HPSE2: variants seen among roughly 807,000 people sequenced by gnomAD.
HPSE2 encodes the protein inactive heparanase-2.
Under a neutral mutation model 60.5 loss-of-function variants are expected in HPSE2, and 38 were observed. The ratio of observed to expected loss-of-function variants is 0.63; its 90% confidence interval spans 0.48 to 0.82. HPSE2 has a LOEUF of 0.82. Among genes scored for constraint, HPSE2 ranks in the 40% least tolerant of loss-of-function variants. HPSE2 has a pLI of 0.00. For missense variants in HPSE2, 713 were observed against 740.4 expected, an observed-to-expected ratio of 0.96 and a Z score of 0.43; for synonymous variants, 295 against 293.2, an observed-to-expected ratio of 1.01 and a Z score of -0.06.
chr10:99,039,879 C>A (rs1311588854), intron 3 of HPSE2, among the ~76,000 whole-genome samples: 2 of 152,086 alleles, frequency 1.3e-5, no homozygotes, highest in Non-Finnish European at 1.5e-5. Flanking sequence ...TCTGACCTGG[C>A]CAAACAAAAA....
intron 2 of HPSE2, among the ~76,000 whole-genome samples, chr10:99,155,322 AC>A (rs202082806): frequency 0.15 from 19,816 of 134,648 alleles, 1,365 homozygotes; most frequent in Admixed American, 0.21. Flanking sequence ...ACCACACCAC[AC>A]CTATTCCAAA....
At chr10:98,566,715 C>T (rs1419421818) in intron 9 of HPSE2, among the ~76,000 whole-genome samples, 1 of 152,076 alleles carries the variant, frequency 6.6e-6, no homozygotes, top group Non-Finnish European at 1.5e-5. Context: ...GGAAAACTTG[C>T]CCCTGAACAC....
chr10:98,520,934 C>T (rs895902006), intron 9 of HPSE2, among the ~76,000 whole-genome samples: 10 of 152,146 alleles, frequency 6.6e-5, no homozygotes, highest in African/African-American at 1.9e-4. Context: ...ACTGGCTAGC[C>T]ATAGGTAGAA....
intron 3 of HPSE2, among the ~76,000 whole-genome samples, chr10:98,799,712 T>C (rs1370351988): frequency 1.3e-5 from 2 of 149,160 alleles, no homozygotes; most frequent in Non-Finnish European, 3.0e-5. Flanking sequence ...ATTAAGAAAA[T>C]TGCAAAATTT....
At chr10:98,915,006 G>GA (rs898925321) in intron 3 of HPSE2, among the ~76,000 whole-genome samples, 118 of 145,194 alleles carry the variant, frequency 8.1e-4, no homozygotes, top group East Asian at 3.5e-3. Context: ...CATATGCACT[G>GA]AAAAAAAAAA....
intron 3 of HPSE2, among the ~76,000 whole-genome samples, chr10:99,039,362 G>A (rs1302095963): frequency 6.6e-6 from 1 of 151,942 alleles, no homozygotes. Context: ...TCTTGAATAC[G>A]ACACCAACCA....
intron 2 of HPSE2, among the ~76,000 whole-genome samples, chr10:99,220,672 G>A (rs1018289632): frequency 7.9e-5 from 12 of 151,874 alleles, no homozygotes; most frequent in Admixed American, 6.5e-4. Flanking sequence ...GCGTGGTGGC[G>A]CATGCCTGTA....
At chr10:98,844,696 T>C (rs527558630) in intron 3 of HPSE2, among the ~76,000 whole-genome samples, 12 of 152,328 alleles carry the variant, frequency 7.9e-5, no homozygotes, top group African/African-American at 2.9e-4. Context: ...ATTTTAATGA[T>C]AGCTCTCACA....
intron 2 of HPSE2, among the ~76,000 whole-genome samples, chr10:99,179,681 G>T (rs1355579931): frequency 1.3e-5 from 2 of 151,488 alleles, no homozygotes; most frequent in Non-Finnish European, 2.9e-5. Flanking sequence ...TGACCATACT[G>T]CCCAAAGTAA....
chr10:98,574,624 C>T (rs188055689), intron 9 of HPSE2, among the ~76,000 whole-genome samples: 1 of 152,158 alleles, frequency 6.6e-6, no homozygotes, highest in African/African-American at 2.4e-5. Context: ...TGCAGAAAAA[C>T]TCCCTGGATA....
At chr10:98,573,670 A>G (rs1434917477) in intron 9 of HPSE2, among the ~76,000 whole-genome samples, 1 of 152,198 alleles carries the variant, frequency 6.6e-6, no homozygotes, top group Non-Finnish European at 1.5e-5. Flanking sequence ...CAAAAAGGCC[A>G]TGGGTCACAC....
At chr10:98,899,729 C>T (rs917227700) in intron 3 of HPSE2, among the ~76,000 whole-genome samples, 1 of 149,188 alleles carries the variant, frequency 6.7e-6, no homozygotes, top group African/African-American at 2.5e-5. Context: ...TAAAATGGTA[C>T]CATCACTTGA....
At chr10:98,475,365 C>T (rs576673121) in intron 11 of HPSE2, among the ~76,000 whole-genome samples, 20 of 152,234 alleles carry the variant, frequency 1.3e-4, no homozygotes, top group East Asian at 9.7e-4. Flanking sequence ...TGTGACCCCC[C>T]GCCTCGGCCT....
chr10:99,195,906 CCT>C (rs1848381340), intron 2 of HPSE2, among the ~76,000 whole-genome samples: 1 of 151,842 alleles, frequency 6.6e-6, no homozygotes, highest in East Asian at 1.9e-4. Context: ...CCAAAACTAT[CCT>C]TAGCAAACCT....
chr10:98,635,314 C>T (rs972975844), intron 7 of HPSE2, among the ~76,000 whole-genome samples: 1 of 152,138 alleles, frequency 6.6e-6, no homozygotes, highest in South Asian at 2.1e-4. Flanking sequence ...TTATGGAAAA[C>T]AGTATGGAAG....
intron 3 of HPSE2, among the ~76,000 whole-genome samples, chr10:98,752,919 T>A (rs990055220): frequency 2.0e-5 from 3 of 152,146 alleles, no homozygotes; most frequent in Non-Finnish European, 4.4e-5. Flanking sequence ...GGACAGTACG[T>A]GAAGTGAAAT....
At chr10:99,162,675 T>A (rs539380064) in intron 2 of HPSE2, among the ~76,000 whole-genome samples, 7 of 152,282 alleles carry the variant, frequency 4.6e-5, no homozygotes, top group Non-Finnish European at 1.0e-4. Context: ...AAATAACTTG[T>A]CCTTTAATTT....
the HPSE2 span, among the ~76,000 whole-genome samples, chr10:99,289,068 T>C: frequency 2.6e-5 from 4 of 152,134 alleles, no homozygotes; most frequent in South Asian, 8.3e-4. Context: ...ATGGTAACAT[T>C]CTGCGTCCCT....
intron 3 of HPSE2, among the ~76,000 whole-genome samples, chr10:99,084,432 C>T (rs898117166): frequency 2.6e-5 from 4 of 152,112 alleles, no homozygotes; most frequent in African/African-American, 9.7e-5. Context: ...ACAAGGTGCA[C>T]ATTTGTTCCC....
Sources: gnomAD v4.1 joint callset for allele counts (sites outside exome capture counted in the v4.1 genomes callset) on GRCh38, gnomAD v4.1.1 for gene constraint, MANE v1.5 for transcripts, NCBI Gene and HGNC (gene_info 2026-07-23, HGNC 2026-07-21) for gene names.